FBXO6: variants seen among roughly 807,000 people sequenced by gnomAD.
FBXO6 encodes F-box protein 6, also known as F-box only protein 6.
Under a neutral mutation model 25.0 loss-of-function variants are expected in FBXO6, and 13 were observed. The ratio of observed to expected loss-of-function variants is 0.52; its 90% CI spans 0.34 to 0.83. The LOEUF (loss-of-function observed/expected upper bound fraction) is 0.83. Among genes scored for constraint, FBXO6 ranks in the 40% least tolerant of loss-of-function variants. The probability of loss-of-function intolerance (pLI) is 0.02; values close to 1 mark genes in which losing one functional copy is unlikely to be tolerated. For missense variants in FBXO6, 370 were observed against 380.2 expected (o/e 0.97, Z 0.22); for synonymous variants, 138 against 155.3 (o/e 0.89, Z 0.83).
chr1:11,671,349 T>C lies in FBXO6; in HGVS notation c.370T>C (p.Phe124Leu), dbSNP rs1276612464. Residue 124 changes from phenylalanine to leucine, a missense_variant, in exon 3 of 6, where the codon TTT becomes CTT. Phe to Leu is a conservative substitution (Grantham distance 22, BLOSUM62 0). Coordinates refer to ENST00000376753, the MANE Select transcript of FBXO6 (RefSeq NM_018438.6). Reference sequence around the variant, plus strand: ...CCTCCCTGGAGCCCACGGGACAGATTTTCCTGACCCCAAAGTCAAGAAGTA... The same window carrying C: ...CCTCCCTGGAGCCCACGGGACAGATCTTCCTGACCCCAAAGTCAAGAAGTA... ...ESLPGAHGTD[F>L]PDPKVKKYFV... 2 of 1,613,916 alleles carry C rather than the reference T, an allele frequency of 1.2e-6. No individual in the cohort carries two copies. The highest frequency in any genetic ancestry group is 1.7e-6 in the Non-Finnish European group (2 of 1,179,970).
chr1:11,672,671 A>AC (rs1030306655), intron 4 of FBXO6, among the ~76,000 whole-genome samples: 2 of 152,118 alleles, frequency 1.3e-5, no homozygotes, highest in African/African-American at 4.8e-5. Context: ...CCCCTGACCT[A>AC]CCTGCCTCCC....
Position 11,673,382 on chromosome 1 carries a change from C to G in FBXO6, c.615C>G (p.Ile205Met), listed in dbSNP as rs1254918953. The change falls in exon 5 of 6, where the codon ATC (isoleucine) becomes ATG (methionine). Residue 205 changes from isoleucine (I) to methionine (M), a missense_variant. Transcript: ENST00000376753. The surrounding 1 kb of genome is among the most constrained non-coding windows in gnomAD (Gnocchi z 4.3). ...CCTTCGAGCCCCCACCTGTGACCAT[C>G]CAACAGTGGAACAATGCCACATGGA... ...LASFEPPPVT[I>M]QQWNNATWTE... is the part of the protein sequence containing the mutation. The G allele has an allele frequency of 6.2e-7, 1 of 1,614,090 alleles. No homozygotes were observed. The highest frequency in any genetic ancestry group is 2.2e-5 in the East Asian group (1 of 44,886).
intron 2 of FBXO6, 78 bp from the exon 3 acceptor site, chr1:11,671,188 G>A (rs1311085454): frequency 5.8e-6 from 9 of 1,541,780 alleles, no homozygotes; most frequent in East Asian, 2.3e-5. Flanking sequence ...CCTCCCTCCC[G>A]CCCTCCTGGG....
rs768557507 is a variant in FBXO6 at position 11,668,857 on chromosome 1, G to C, written c.199G>C (p.Asp67His). The change falls in exon 2 of 6, where the codon GAC becomes CAC. Residue 67 changes from aspartate to histidine, a missense_variant. Physicochemically the swap from Asp to His is moderately conservative, Grantham distance 81. Coordinates refer to ENST00000376753, the MANE Select transcript of FBXO6 (RefSeq NM_018438.6). ...CCTGCGAGAGGGCTTCATCACCAAG[G>C]ACTGGGACCAGCCCGTGGCCGACTG... is the stretch of plus-strand genomic sequence containing the variant. ...KCLREGFITK[D>H]WDQPVADWKI... 1 of 1,614,150 alleles carries C rather than the reference G, an allele frequency of 6.2e-7. No homozygotes were observed.
intron 1 of FBXO6, among the ~76,000 whole-genome samples, chr1:11,667,785 G>C (rs140348999): frequency 6.6e-6 from 1 of 152,118 alleles, no homozygotes; most frequent in Non-Finnish European, 1.5e-5. Flanking sequence ...TAATGAGTCT[G>C]GGATGTAAAA....
chr1:11,673,677 C>T lies in FBXO6; in HGVS notation c.708C>T (p.Gly236=). 5 of 1,614,114 alleles carry T rather than the reference C, an allele frequency of 3.1e-6. No homozygotes were observed. Among genetic ancestry groups the T allele is most frequent in the Non-Finnish European group, 4.2e-6 (5 of 1,180,008 alleles). The change falls in exon 6 of 6, where the codon GGC becomes GGT. Residue 236 remains glycine, a synonymous_variant. Transcript: ENST00000376753. This position sits in a 1 kb window ranked among gnomAD's most constrained non-coding sequence, Gnocchi z 4.3. ...GVRYILFQHG[G]RDTQYWAGWY... is the part of the protein sequence containing the mutation. Reference sequence around the variant, plus strand: ...GCTACATCCTCTTCCAGCATGGGGGCAGGGACACCCAGTACTGGGCAGGCT... The same window carrying T: ...GCTACATCCTCTTCCAGCATGGGGGTAGGGACACCCAGTACTGGGCAGGCT...
At chr1:11,666,999 T>G (rs1003975854) in intron 1 of FBXO6, among the ~76,000 whole-genome samples, 1 of 151,728 alleles carries the variant, frequency 6.6e-6, no homozygotes, top group Non-Finnish European at 1.5e-5. Flanking sequence ...ATACAAAAAT[T>G]AGCTGGGTGT....
intron 2 of FBXO6, among the ~76,000 whole-genome samples, chr1:11,670,067 G>A (rs2100694078): frequency 6.6e-6 from 1 of 151,158 alleles, no homozygotes; most frequent in East Asian, 2.0e-4. Context: ...AAAAAAATTA[G>A]CTGGGCGTGG....
chr1:11,669,247 CCTGAG>C (rs1351915082), intron 2 of FBXO6, among the ~76,000 whole-genome samples: 2 of 152,176 alleles, frequency 1.3e-5, no homozygotes, highest in African/African-American at 4.8e-5. Flanking sequence ...GGGCGGATCA[CCTGAG>C]CTCAGGAGTT....
rs116826704 is a variant in FBXO6 at position 11,671,187 on chromosome 1, C to G, written c.287-79C>G. 3.8e-6 allele frequency: 6 copies of G among 1,561,466 alleles called. No individual in the cohort carries two copies. The East Asian group carries it at 1.4e-4, about 36-fold the overall frequency. On this transcript the variant is annotated intron_variant, in intron 2 of 5. Transcript: ENST00000376753. ...CACTAACGCCAACCACCCTCCCTCCCGCCCTCCTGGGACTAAGTGGGGAGG... is the reference window on the plus strand; with the variant it reads ...CACTAACGCCAACCACCCTCCCTCCGGCCCTCCTGGGACTAAGTGGGGAGG...
At position 11,673,621 on chromosome 1, in the gene FBXO6, T is replaced by C; in HGVS notation, c.652T>C (p.Tyr218His). ...WNNATWTEVS[Y>H]TFSDYPRGVR... Reference sequence around the variant, plus strand: ...TCTCCCTTCCTCCCAACAGGTCTCCTACACCTTCTCAGACTACCCCCGGGG... The same window carrying C: ...TCTCCCTTCCTCCCAACAGGTCTCCCACACCTTCTCAGACTACCCCCGGGG... Residue 218 changes from tyrosine to histidine, a missense_variant, in exon 6 of 6, where the codon TAC (tyrosine) becomes CAC (histidine). Physicochemically the swap from Tyr to His is moderately conservative, Grantham distance 83. Coordinates refer to ENST00000376753, the MANE Select transcript of FBXO6 (RefSeq NM_018438.6). This position sits in a 1 kb window ranked among gnomAD's most constrained non-coding sequence, Gnocchi z 4.3. The C allele has an allele frequency of 1.2e-6, 2 of 1,613,820 alleles. No individual in the cohort carries two copies. The highest frequency in any genetic ancestry group is 1.7e-5 in the Admixed American group (1 of 60,014).
At chr1:11,668,975 C>T (rs1445467921) in intron 2 of FBXO6, 31 bp downstream of exon 2, 3 of 1,605,928 alleles carry the variant, frequency 1.9e-6, no homozygotes, top group Admixed American at 3.4e-5. Flanking sequence ...AGGCTGCCAC[C>T]AGGCTCGTTC....
rs1466300437 is a variant in FBXO6, at chr1:11,673,950, C to T, written c.*99C>T. 9.2e-6 allele frequency: 9 copies of T among 979,216 alleles called. No individual in the cohort carries two copies. Among genetic ancestry groups the T allele is most frequent in the African/African-American group, 3.2e-5 (2 of 62,496 alleles). 60.7% of individuals were successfully genotyped at this position (979,216 alleles called of 1,614,324 possible). On this transcript the variant is annotated 3_prime_UTR_variant, in exon 6 of 6. Transcript: ENST00000376753. This position sits in a 1 kb window ranked among gnomAD's most constrained non-coding sequence, Gnocchi z 4.3. ...GTCCCTGTACCAGCGACTCCTGCCC[C>T]GGTTCAACCCTACCAGCTTGTGGTA...
intron 1 of FBXO6, among the ~76,000 whole-genome samples, chr1:11,666,121 C>A (rs1201000036): frequency 2.0e-5 from 3 of 146,842 alleles, no homozygotes; most frequent in Non-Finnish European, 4.5e-5. Flanking sequence ...TCACTCTGCT[C>A]CAGCAGGCTC....
chr1:11,671,006 C>T (rs537245038), intron 2 of FBXO6, among the ~76,000 whole-genome samples: 1 of 152,032 alleles, frequency 6.6e-6, no homozygotes, highest in East Asian at 1.9e-4. Flanking sequence ...TGGAGGGGTG[C>T]TTTGTAGGGG....
intron 1 of FBXO6, among the ~76,000 whole-genome samples, chr1:11,666,920 G>A (rs1640454956): frequency 6.6e-6 from 1 of 152,130 alleles, no homozygotes; most frequent in African/African-American, 2.4e-5. Context: ...GCTGAGGCGG[G>A]TGGATCACCT....
intron 2 of FBXO6, among the ~76,000 whole-genome samples, chr1:11,670,130 G>A (rs758402691): frequency 1.3e-5 from 2 of 150,690 alleles, no homozygotes; most frequent in African/African-American, 2.4e-5. Context: ...GGAGAATAGC[G>A]TGAACCTGGG....
rs1422024524 is a variant in FBXO6 at position 11,668,952 on chromosome 1, G to C, written c.286+8G>C. 3.7e-6 allele frequency: 6 copies of C among 1,612,370 alleles called. No homozygotes were observed. The Admixed American group carries it at 8.3e-5, about 22-fold the overall frequency. On this transcript the variant is annotated splice_region_variant and intron_variant, in intron 2 of 5. Transcript: ENST00000376753. ...GCAACCCGTGTGCTGAAGGTGGCAT[G>C]GGGGCAGGGTGGAGGCTGCCACCAG...
rs12125994 is a variant in FBXO6 at position 11,673,820 on chromosome 1, C to G, written c.851C>G (p.Ser284Trp). 6.2e-7 allele frequency: 1 copy of G among 1,614,116 alleles called. No individual in the cohort carries two copies. Among genetic ancestry groups the G allele is most frequent in the Non-Finnish European group, 8.5e-7 (1 of 1,180,034 alleles). ...CATGGACAGGAGGAGGCTGCCCAAT[C>G]GCCCTACCGAGCTGTTGTCCAGATT... is the stretch of plus-strand genomic sequence containing the variant. ...QKHGQEEAAQ[S>W]PYRAVVQIF The change falls in exon 6 of 6, where the codon TCG (serine) becomes TGG (tryptophan). Residue 284 changes from serine to tryptophan, a missense_variant. Ser to Trp is a radical substitution (Grantham distance 177). Coordinates refer to ENST00000376753, the MANE Select transcript of FBXO6 (RefSeq NM_018438.6). The surrounding 1 kb of genome is among the most constrained non-coding windows in gnomAD (Gnocchi z 4.3).
Sources: allele counts gnomAD v4.1 joint callset (sites outside exome capture counted in the v4.1 genomes callset), GRCh38; gene constraint gnomAD v4.1.1; non-coding constraint Gnocchi (gnomAD v3.1); transcripts MANE v1.5; gene names NCBI Gene and HGNC (gene_info 2026-07-23, HGNC 2026-07-21).